Variants in TTC28 observed in about 807,000 individuals in gnomAD.
TTC28 encodes the protein tetratricopeptide repeat domain 28, also known as tetratricopeptide repeat protein 28.
Under a neutral mutation model 198.0 loss-of-function variants are expected in TTC28, and 61 were observed. The observed-to-expected ratio is 0.31, with a 90% CI of 0.25 to 0.38. The LOEUF (loss-of-function observed/expected upper bound fraction) is 0.38. TTC28 is among the 10% of genes least tolerant of loss of function. TTC28 has a pLI of 1.00. For synonymous variants in TTC28, 1,171 were observed against 1,297.8 expected (o/e 0.90, Z 2.10); for missense variants, 2,678 against 3,164.0 (o/e 0.85, Z 3.69).
intron 2 of TTC28, among the ~76,000 whole-genome samples, chr22:28,362,617 C>A (rs551289850): frequency 6.6e-6 from 1 of 152,134 alleles, no homozygotes; most frequent in East Asian, 1.9e-4. Flanking sequence ...AAGTTTGGAA[C>A]ACCCTAGAGA....
At chr22:28,211,410 T>C (rs994514506) in intron 5 of TTC28, among the ~76,000 whole-genome samples, 16 of 152,060 alleles carry the variant, frequency 1.1e-4, no homozygotes, top group African/African-American at 2.2e-4. Context: ...GACACACACA[T>C]AGGCTCAAAA....
intron 2 of TTC28, among the ~76,000 whole-genome samples, chr22:28,438,419 G>A (rs187287508): frequency 7.9e-5 from 12 of 152,300 alleles, no homozygotes; most frequent in Non-Finnish European, 1.5e-4. Context: ...AACTCCATCA[G>A]AGAAATCATT....
chr22:28,302,737 C>T (rs1053197029), intron 3 of TTC28, among the ~76,000 whole-genome samples: 7 of 152,074 alleles, frequency 4.6e-5, no homozygotes, highest in East Asian at 1.9e-4. Context: ...TGCAGGGACA[C>T]GATCTCAGCT....
chr22:28,163,716 C>A, intron 5 of TTC28, 117 bp from the exon 6 acceptor site: 1 of 1,130,998 alleles, frequency 8.8e-7, no homozygotes, highest in South Asian at 1.6e-5. Context: ...CTCTAGTCTA[C>A]AGCTCCCAGC....
chr22:28,231,092 C>A (rs755960032), intron 5 of TTC28, among the ~76,000 whole-genome samples: 1 of 152,186 alleles, frequency 6.6e-6, no homozygotes, highest in African/African-American at 2.4e-5. Flanking sequence ...TTTCTTTCAA[C>A]AATCTGTTCA....
chr22:28,349,904 G>T (rs1411115264), intron 2 of TTC28, among the ~76,000 whole-genome samples: 1 of 152,140 alleles, frequency 6.6e-6, no homozygotes, highest in Non-Finnish European at 1.5e-5. Flanking sequence ...TTGTAACCCC[G>T]AGTGCCCAAC....
intron 6 of TTC28, among the ~76,000 whole-genome samples, chr22:28,151,781 T>C (rs1325812797): frequency 6.6e-6 from 1 of 152,226 alleles, no homozygotes; most frequent in Non-Finnish European, 1.5e-5. Flanking sequence ...CTTTTAGATG[T>C]CTAGAAAAAT....
rs947859075 is a variant in TTC28 at position 28,001,295 on chromosome 22, A to G, written c.4398+79T>C. 6 of 1,474,332 alleles carry G rather than the reference A, an allele frequency of 4.1e-6. No homozygotes were observed. The African/African-American group carries it at 7.0e-5, about 17-fold the overall frequency. 91.3% of individuals were successfully genotyped at this position (1,474,332 alleles called of 1,614,324 possible). On this transcript the variant is annotated intron_variant, in intron 15 of 22. Coordinates refer to ENST00000397906, the MANE Select transcript of TTC28 (RefSeq NM_001145418.2). ...GATCACAGCTATGCCTTCGTAACACAGCCCAGTCCGACCAGATAGACGGTG... is the reference window on the plus strand; with the variant it reads ...GATCACAGCTATGCCTTCGTAACACGGCCCAGTCCGACCAGATAGACGGTG...
At chr22:28,020,778 AACACACACACAC>A (rs34174077) in intron 13 of TTC28, among the ~76,000 whole-genome samples, 2 of 148,898 alleles carry the variant, frequency 1.3e-5, no homozygotes, top group African/African-American at 4.9e-5. Flanking sequence ...CCCCTCCCCC[AACACACACACAC>A]ACACACACAC....
intron 2 of TTC28, among the ~76,000 whole-genome samples, chr22:28,447,860 A>G (rs568240322): frequency 1.3e-5 from 2 of 152,276 alleles, no homozygotes; most frequent in African/African-American, 4.8e-5. Flanking sequence ...TCTGTATAGC[A>G]CTTGTTTCCC....
At chr22:28,522,244 T>C (rs866779309) in intron 2 of TTC28, among the ~76,000 whole-genome samples, 3 of 152,074 alleles carry the variant, frequency 2.0e-5, no homozygotes, top group Non-Finnish European at 2.9e-5. Context: ...TCCCAACACT[T>C]TGGGAGGCCG....
chr22:28,054,975 C>A (rs1227924113), intron 12 of TTC28, among the ~76,000 whole-genome samples: 2 of 152,170 alleles, frequency 1.3e-5, no homozygotes, highest in Middle Eastern at 3.2e-3. Flanking sequence ...GTCTTTGAGT[C>A]CAGTGTGTTT....
At chr22:28,432,702 G>C (rs1188902713) in intron 2 of TTC28, among the ~76,000 whole-genome samples, 5 of 152,144 alleles carry the variant, frequency 3.3e-5, no homozygotes, top group African/African-American at 4.8e-5. Context: ...GATCTATTTT[G>C]TATTTGTGTA....
At chr22:28,134,024 C>T (rs1005191731) in intron 6 of TTC28, among the ~76,000 whole-genome samples, 1 of 152,202 alleles carries the variant, frequency 6.6e-6, no homozygotes, top group Non-Finnish European at 1.5e-5. Flanking sequence ...TCCAGAGGAA[C>T]GATCAGGCAG....
intron 2 of TTC28, among the ~76,000 whole-genome samples, chr22:28,555,444 A>C (rs112600181): frequency 6.6e-6 from 1 of 152,310 alleles, no homozygotes; most frequent in African/African-American, 2.4e-5. Context: ...AACCAGCCCA[A>C]ATGCCCATCA....
At chr22:28,586,285 A>G (rs1168582265) in intron 2 of TTC28, among the ~76,000 whole-genome samples, 2 of 152,040 alleles carry the variant, frequency 1.3e-5, no homozygotes, top group Admixed American at 6.5e-5. Flanking sequence ...TCTCAAAAAA[A>G]AAAAAAAGAA....
chr22:28,124,210 T>TTTTTTGC (rs1335369050), intron 6 of TTC28, among the ~76,000 whole-genome samples: 1 of 151,798 alleles, frequency 6.6e-6, no homozygotes, highest in African/African-American at 2.4e-5. Flanking sequence ...TTGTTTTTTG[T>TTTTTTGC]TTTTTTCCTG....
chr22:28,590,034 C>CAAAAAAAAAAAAAAAAAAAAAAAAAAA (rs71194779), intron 2 of TTC28, among the ~76,000 whole-genome samples: 2 of 68,076 alleles, frequency 2.9e-5, no homozygotes, highest in Non-Finnish European at 2.4e-5. Context: ...AAGACTCCAT[C>CAAAAAAAAAAAAAAAAAAAAAAAAAAA]AAAAAAAAAA....
chr22:28,001,690 G>T, intron 14 of TTC28, 137 bp from the exon 15 acceptor site: 1 of 1,025,180 alleles, frequency 9.8e-7, no homozygotes, highest in Non-Finnish European at 1.4e-6. Context: ...GGCGCCATGG[G>T]GCATGGGCCG....
Sources: allele counts gnomAD v4.1 joint callset (sites outside exome capture counted in the v4.1 genomes callset), GRCh38; gene constraint gnomAD v4.1.1; transcripts MANE v1.5; gene names NCBI Gene and HGNC (gene_info 2026-07-23, HGNC 2026-07-21).